Variants in ZNF689 observed in about 807,000 individuals in gnomAD.
ZNF689 encodes the protein zinc finger protein 689.
In ZNF689, 14 loss-of-function variants were observed where a neutral mutation model predicts 37.2. The observed-to-expected ratio is 0.38, with a 90% CI of 0.25 to 0.59. The LOEUF (loss-of-function observed/expected upper bound fraction) is 0.59. Ranked by LOEUF, ZNF689 falls within the 20% of genes least tolerant of loss-of-function variation. The pLI is 0.68. For synonymous variants in ZNF689, 277 were observed against 283.3 expected (o/e 0.98, Z 0.22); for missense variants, 573 against 700.2 (o/e 0.82, Z 2.05).
chr16:30,610,281 C>G lies in ZNF689; in HGVS notation c.-240G>C. 1 of 555,310 alleles carries G rather than the reference C, an allele frequency of 1.8e-6. No individual in the cohort carries two copies. Among genetic ancestry groups the G allele is most frequent in the South Asian group, 2.4e-5 (1 of 42,474 alleles). The allele number at this position is 555,310 out of a possible 1,614,324, so 34.4% of individuals were successfully genotyped here. A position where few individuals can be genotyped will look rare whatever the true frequency, so the allele number is the denominator to read the frequency against. The stretch of plus-strand genomic sequence containing the variant: ...GATGCCTTCGGGGAAAATGGCGGCG[C>G]TGCTACCGCACCGCCTTTGCCTGGA... On this transcript the variant is annotated 5_prime_UTR_variant, in exon 1 of 3. Coordinates refer to ENST00000287461, the MANE Select transcript of ZNF689 (RefSeq NM_138447.3).
Position 30,605,661 on chromosome 16 carries a change from A to AGTTAGTTTAATCTCCGAGAAATCTT in ZNF689, c.320-215_320-214insAAGATTTCTCGGAGATTAAACTAAC. Among the ~76,000 whole-genome samples, 1 of 152,152 alleles carries AGTTAGTTTAATCTCCGAGAAATCTT rather than the reference A, an allele frequency of 6.6e-6. No individual in the cohort carries two copies. Among genetic ancestry groups the AGTTAGTTTAATCTCCGAGAAATCTT allele is most frequent in the African/African-American group, 2.4e-5 (1 of 41,448 alleles). On this transcript the variant is annotated intron_variant, in intron 2 of 2. Transcript: ENST00000287461. This position sits in a 1 kb window ranked among gnomAD's most constrained non-coding sequence, Gnocchi z 5.1. ...TCTAGGAAGATTTCTCGGAGATTAA[A>AGTTAGTTTAATCTCCGAGAAATCTT]CTAACTTTAAAAATTGAGGCCGGGC...
rs985148978 is a variant in ZNF689, at chr16:30,604,094, T to C, written c.*170A>G. 6 of 775,158 alleles carry C rather than the reference T, an allele frequency of 7.7e-6. No homozygotes were observed. Among genetic ancestry groups the C allele is most frequent in the African/African-American group, 1.7e-5 (1 of 58,486 alleles). 48.0% of individuals were successfully genotyped at this position (775,158 alleles called of 1,614,324 possible). ...ACGTCACCTCTCCTAATGGGACTGT[T>C]CCAGACACGCACAGGGAGGCAGCCA... On this transcript the variant is annotated 3_prime_UTR_variant, in exon 3 of 3. Coordinates refer to ENST00000287461, the MANE Select transcript of ZNF689 (RefSeq NM_138447.3). The surrounding 1 kb of genome is among the most constrained non-coding windows in gnomAD (Gnocchi z 5.2).
In ZNF689 at chr16:30,604,178, ACT is replaced by A. The variant is rs1567526883; in HGVS notation, c.*84_*85del. The A allele has an allele frequency of 1.4e-6, 2 of 1,445,718 alleles. No homozygotes were observed. The highest frequency in any genetic ancestry group is 1.4e-5 in the African/African-American group (1 of 71,442). 89.6% of individuals were successfully genotyped at this position (1,445,718 alleles called of 1,614,324 possible). Reference sequence around the variant, plus strand: ...AGCAGGAGACCCGGGTTTAGTTCTGACTCTGCCCTGTATGACCTGGGGCTCCT... The same window carrying A: ...AGCAGGAGACCCGGGTTTAGTTCTGACTGCCCTGTATGACCTGGGGCTCCT... On this transcript the variant is annotated 3_prime_UTR_variant, in exon 3 of 3. Transcript: ENST00000287461. The surrounding 1 kb of genome is among the most constrained non-coding windows in gnomAD (Gnocchi z 5.2).
rs1159097247 is a variant in ZNF689, at chr16:30,604,111, A to T, written c.*153T>A. 2.4e-6 allele frequency: 2 copies of T among 839,774 alleles called. No homozygotes were observed. Among genetic ancestry groups the T allele is most frequent in the East Asian group, 2.6e-5 (1 of 37,768 alleles). The allele number at this position is 839,774 out of a possible 1,614,324, so 52.0% of individuals were successfully genotyped here. ...GGGACTGTTCCAGACACGCACAGGG[A>T]GGCAGCCAGCGCATTGCAAGATACA... On this transcript the variant is annotated 3_prime_UTR_variant, in exon 3 of 3. Transcript: ENST00000287461. The surrounding 1 kb of genome is among the most constrained non-coding windows in gnomAD (Gnocchi z 5.2).
Position 30,603,497 on chromosome 16 carries a change from A to C in ZNF689, c.*767T>G, listed in dbSNP as rs978052415. 6.6e-6 allele frequency: 1 copy of C among 152,390 alleles called. No homozygotes were observed. The highest frequency in any genetic ancestry group is 1.5e-5 in the Non-Finnish European group (1 of 68,358). 9.4% of individuals were successfully genotyped at this position (152,390 alleles called of 1,614,324 possible). A position where few individuals can be genotyped will look rare whatever the true frequency, so the allele number is the denominator to read the frequency against. On this transcript the variant is annotated 3_prime_UTR_variant, in exon 3 of 3. Coordinates refer to ENST00000287461, the MANE Select transcript of ZNF689 (RefSeq NM_138447.3). ...GTCCAGCCCCAGAAGGTGTAGTGGCACTGTGGTGTTACCTTATTTTTATAT... is the reference window on the plus strand; with the variant it reads ...GTCCAGCCCCAGAAGGTGTAGTGGCCCTGTGGTGTTACCTTATTTTTATAT...
Position 30,607,210 on chromosome 16 carries a change from T to C in ZNF689, c.320-1763A>G, listed in dbSNP as rs181765053. Reference sequence around the variant, plus strand: ...GTTGCAGTGAGCCAAGATCACGCCATTGCACTCCAGCCTGCATGACAGAGT... The same window carrying C: ...GTTGCAGTGAGCCAAGATCACGCCACTGCACTCCAGCCTGCATGACAGAGT... On this transcript the variant is annotated intron_variant, in intron 2 of 2. Transcript: ENST00000287461. Among the ~76,000 whole-genome samples the C allele has an allele frequency of 5.5e-3, 763 of 137,586 alleles. 7 individuals carry two copies. The highest frequency in any genetic ancestry group is 0.01 in the Admixed American group (134 of 13,258). The allele number at this position is 137,586 out of a possible 152,430, so 90.3% of individuals were successfully genotyped here. A position where few individuals can be genotyped will look rare whatever the true frequency, so the allele number is the denominator to read the frequency against.
At chr16:30,609,798 C>T in intron 1 of ZNF689, 39 bp downstream of exon 1, 8 of 1,575,892 alleles carry the variant, frequency 5.1e-6, no homozygotes, top group Non-Finnish European at 6.9e-6. Flanking sequence ...GCTCCTGCAT[C>T]CCTTCGCGCC....
At position 30,605,498 on chromosome 16, in the gene ZNF689, G is replaced by T; in HGVS notation, c.320-51C>A. On this transcript the variant is annotated intron_variant, in intron 2 of 2. Coordinates refer to ENST00000287461, the MANE Select transcript of ZNF689 (RefSeq NM_138447.3). This position sits in a 1 kb window ranked among gnomAD's most constrained non-coding sequence, Gnocchi z 5.1. ...TAACAAATACTGGGCTCCTGCTCTT[G>T]TCAATTACATTATAGGTTACAAGAC... The T allele has an allele frequency of 6.4e-7, 1 of 1,561,612 alleles. No homozygotes were observed. The highest frequency in any genetic ancestry group is 8.7e-7 in the Non-Finnish European group (1 of 1,150,320).
At position 30,605,212 on chromosome 16, in the gene ZNF689, G is replaced by A. The variant is rs116109798; in HGVS notation, c.555C>T (p.Arg185=). 6.2e-7 allele frequency: 1 copy of A among 1,614,066 alleles called. No homozygotes were observed. Among genetic ancestry groups the A allele is most frequent in the African/African-American group, 1.3e-5 (1 of 74,926 alleles). The part of the protein sequence containing the change: ...KPYPCPDCGR[R]FSYPSLLVSH... Reference sequence around the variant, plus strand: ...TGACCAGCAGGGATGGATAGGAAAAGCGGCGCCCACAGTCTGGGCAAGGGT... The same window carrying A: ...TGACCAGCAGGGATGGATAGGAAAAACGGCGCCCACAGTCTGGGCAAGGGT... Residue 185 remains arginine, a synonymous_variant, in exon 3 of 3, where the codon CGC becomes CGT. Coordinates refer to ENST00000287461, the MANE Select transcript of ZNF689 (RefSeq NM_138447.3). The surrounding 1 kb of genome is among the most constrained non-coding windows in gnomAD (Gnocchi z 5.1).
Position 30,604,422 on chromosome 16 carries a change from G to A in ZNF689, c.1345C>T (p.Leu449=). Residue 449 remains leucine, a synonymous_variant, in exon 3 of 3, where the codon CTG becomes TTG. Coordinates refer to ENST00000287461, the MANE Select transcript of ZNF689 (RefSeq NM_138447.3). The surrounding 1 kb of genome is among the most constrained non-coding windows in gnomAD (Gnocchi z 5.2). ...AAAGGCTTCTCCCCCGTGTGCAGCA[G>A]CTGGTGCTGGGCCAGGTGGCTCCAC... ...AQWSHLAQHQ[L]LHTGEKPFPC... The A allele has an allele frequency of 6.2e-7, 1 of 1,613,552 alleles. No homozygotes were observed. Among genetic ancestry groups the A allele is most frequent in the African/African-American group, 1.3e-5 (1 of 75,068 alleles).
At chr16:30,608,270 GTTTTC>G (rs1370929757) in intron 2 of ZNF689, 2 of 147,700 alleles carry the variant, frequency 1.4e-5, no homozygotes, top group Admixed American at 6.7e-5. Context: ...TTACCCAATG[GTTTTC>G]TTTTCTTTTT....
Position 30,604,777 on chromosome 16 carries a change from AGAG to A in ZNF689, c.987_989del (p.Ser330del), listed in dbSNP as rs755207895. The A allele has an allele frequency of 7.5e-6, 12 of 1,604,072 alleles. No individual in the cohort carries two copies. The highest frequency in any genetic ancestry group is 1.4e-5 in the African/African-American group (1 of 73,514). On this transcript the variant is annotated inframe_deletion, in exon 3 of 3. Coordinates refer to ENST00000287461, the MANE Select transcript of ZNF689 (RefSeq NM_138447.3). The surrounding 1 kb of genome is among the most constrained non-coding windows in gnomAD (Gnocchi z 5.2). ...GCACACGCCGGTGACTGACCAGGCG[AGAG>A]GAGGAGGAGAAGCGCCGCTCGCAGT...
rs948352775 is a variant in ZNF689, at chr16:30,605,626, C to T, written c.320-179G>A. Among the ~76,000 whole-genome samples, 9 of 152,252 alleles carry T rather than the reference C, an allele frequency of 5.9e-5. 1 individual carries two copies. The highest frequency in any genetic ancestry group is 3.9e-4 in the Admixed American group (6 of 15,286). On this transcript the variant is annotated intron_variant, in intron 2 of 2. Coordinates refer to ENST00000287461, the MANE Select transcript of ZNF689 (RefSeq NM_138447.3). The surrounding 1 kb of genome is among the most constrained non-coding windows in gnomAD (Gnocchi z 5.1). The stretch of plus-strand genomic sequence containing the variant: ...TGCATTACAGGAGCTTCTAACCCAG[C>T]TTGGAGAAGTCTAGGAAGATTTCTC...
intron 2 of ZNF689, among the ~76,000 whole-genome samples, chr16:30,607,851 A>G (rs547922396): frequency 6.6e-6 from 1 of 152,216 alleles, no homozygotes; most frequent in South Asian, 2.1e-4. Flanking sequence ...AGTCCCACCT[A>G]CTCCAGAGGC....
Position 30,604,335 on chromosome 16 carries a change from T to G in ZNF689, c.1432A>C (p.Ser478Arg), listed in dbSNP as rs149070011. The G allele has an allele frequency of 1.9e-6, 3 of 1,613,790 alleles. No homozygotes were observed. Among genetic ancestry groups the G allele is most frequent in the African/African-American group, 2.7e-5 (2 of 74,952 alleles). The change falls in exon 3 of 3, where the codon AGC (serine) becomes CGC (arginine). Residue 478 changes from serine to arginine, a missense_variant. Coordinates refer to ENST00000287461, the MANE Select transcript of ZNF689 (RefSeq NM_138447.3). This position sits in a 1 kb window ranked among gnomAD's most constrained non-coding sequence, Gnocchi z 5.2. ...GGGCTACAGTTTGGGGCCTTGGGGC[T>G]ACACTTGTGGACAGCCAGAGACCAC... Reference protein sequence around the residue: ...QRWSLAVHKCSPKAPNCSPRS... With the variant: ...QRWSLAVHKCRPKAPNCSPRS...
At chr16:30,610,461 T>C (rs1440321568), upstream of ZNF689, 8 of 191,906 alleles carry the variant, frequency 4.2e-5, no homozygotes. Context: ...GAGCCGAAGA[T>C]CGAGCGTTCT....
chr16:30,609,785 C>A (rs1272662765), intron 1 of ZNF689, 52 bp downstream of exon 1: 2 of 1,570,758 alleles, frequency 1.3e-6, no homozygotes, highest in Non-Finnish European at 8.6e-7. Context: ...TACACCCTCT[C>A]CGGCTCCTGC....
chr16:30,609,813 G>T, intron 1 of ZNF689, 24 bp downstream of exon 1: 1 of 1,586,214 alleles, frequency 6.3e-7, no homozygotes, highest in African/African-American at 1.3e-5. Flanking sequence ...CGCGCCCCGC[G>T]GCAGCGGATG....
Position 30,610,213 on chromosome 16 carries a change from A to T in ZNF689, c.-172T>A, listed in dbSNP as rs1260688060. The T allele has an allele frequency of 1.3e-6, 1 of 787,712 alleles. No homozygotes were observed. The highest frequency in any genetic ancestry group is 1.9e-6 in the Non-Finnish European group (1 of 514,700). 48.8% of individuals were successfully genotyped at this position (787,712 alleles called of 1,614,324 possible). A position where few individuals can be genotyped will look rare whatever the true frequency, so the allele number is the denominator to read the frequency against. On this transcript the variant is annotated 5_prime_UTR_variant, in exon 1 of 3. It removes the in-frame stop codon of an upstream open reading frame in the 5' UTR. Transcript: ENST00000287461. ...GGGCTAACGGAAACCTTTTGCTGTT[A>T]TTCAGGAAACTCCTGCCCGAACTTG...
Sources: allele counts gnomAD v4.1 joint callset (sites outside exome capture counted in the v4.1 genomes callset), GRCh38; gene constraint gnomAD v4.1.1; non-coding constraint Gnocchi (gnomAD v3.1); transcripts MANE v1.5; gene names NCBI Gene and HGNC (gene_info 2026-07-23, HGNC 2026-07-21).